LIMS1: variants seen among roughly 807,000 people sequenced by gnomAD.
The protein encoded by LIMS1 is LIM zinc finger domain containing 1.
LIMS1 carries 18 observed loss-of-function variants against 44.1 expected under a neutral mutation model. The ratio of observed to expected loss-of-function variants is 0.41; its 90% CI spans 0.28 to 0.61. The LOEUF (loss-of-function observed/expected upper bound fraction) is 0.61. Ranked by LOEUF, LIMS1 falls within the 20% of genes least tolerant of loss-of-function variation. LIMS1 has a pLI of 0.32. For missense variants in LIMS1, 201 were observed against 422.0 expected (o/e 0.48, Z 4.59); for synonymous variants, 93 against 149.1 (o/e 0.62, Z 2.74).
intron 1 of LIMS1, among the ~76,000 whole-genome samples, chr2:108,619,700 CAAAACA>C (rs1688134267): frequency 6.6e-6 from 1 of 151,968 alleles, no homozygotes; most frequent in Non-Finnish European, 1.5e-5. Flanking sequence ...CAAAACAAAA[CAAAACA>C]AAAAGAATTG....
chr2:108,630,192 C>CAAAAAAAAA (rs59941456), intron 1 of LIMS1, among the ~76,000 whole-genome samples: 5 of 103,952 alleles, frequency 4.8e-5, no homozygotes, highest in African/African-American at 8.1e-5. Context: ...GACCCTGTCT[C>CAAAAAAAAA]AAAAAAAAAA....
At chr2:108,566,422 A>G (rs775274635) in intron 1 of LIMS1, among the ~76,000 whole-genome samples, 3 of 152,134 alleles carry the variant, frequency 2.0e-5, no homozygotes, top group Non-Finnish European at 4.4e-5. Flanking sequence ...TATTATTTAT[A>G]CCCTCATTTA....
intron 1 of LIMS1, among the ~76,000 whole-genome samples, chr2:108,627,443 G>A (rs1688645132): frequency 7.0e-6 from 1 of 143,338 alleles, no homozygotes; most frequent in Admixed American, 7.3e-5. Flanking sequence ...GAGACATTTA[G>A]GAACGAACCG....
chr2:108,553,172 C>T (rs1163193132), intron 1 of LIMS1, among the ~76,000 whole-genome samples: 1 of 152,212 alleles, frequency 6.6e-6, no homozygotes, highest in Non-Finnish European at 1.5e-5. Flanking sequence ...TCCATGCTCT[C>T]TCCTGGACAC....
chr2:108,636,489 G>A (rs1689259508), intron 1 of LIMS1, among the ~76,000 whole-genome samples: 1 of 152,182 alleles, frequency 6.6e-6, no homozygotes, highest in Admixed American at 6.5e-5. Context: ...GGACTGGGAA[G>A]CAAACCTCTT....
intron 1 of LIMS1, among the ~76,000 whole-genome samples, chr2:108,626,829 T>C (rs1456303399): frequency 6.6e-6 from 1 of 152,204 alleles, no homozygotes; most frequent in African/African-American, 2.4e-5. Flanking sequence ...TCTCTTTCAG[T>C]AGTTTTGGAA....
chr2:108,627,979 A>G (rs1219776245), intron 1 of LIMS1, among the ~76,000 whole-genome samples: 1 of 152,242 alleles, frequency 6.6e-6, no homozygotes, highest in Non-Finnish European at 1.5e-5. Context: ...ATTTCTGGAC[A>G]CCAGAAGTCA....
At chr2:108,661,100 C>T (rs890077171) in intron 2 of LIMS1, among the ~76,000 whole-genome samples, 4 of 136,502 alleles carry the variant, frequency 2.9e-5, no homozygotes, top group African/African-American at 1.1e-4. Flanking sequence ...GAGTGGGGTT[C>T]CCAGGCCAGC....
chr2:108,546,530 A>G (rs549247284), intron 1 of LIMS1, among the ~76,000 whole-genome samples: 100 of 152,134 alleles, frequency 6.6e-4, no homozygotes, highest in Non-Finnish European at 1.3e-3. Flanking sequence ...TTGGAAGTCC[A>G]CTGGAATGGT....
chr2:108,677,236 T>C (rs532622494), intron 7 of LIMS1: 2 of 152,940 alleles, frequency 1.3e-5, no homozygotes, highest in African/African-American at 4.8e-5. Flanking sequence ...TTTAAAATTT[T>C]TGATGACATT....
chr2:108,621,340 T>A, intron 1 of LIMS1: 1 of 1,549,976 alleles, frequency 6.5e-7, no homozygotes, highest in East Asian at 2.4e-5. Context: ...CAGCAATTGA[T>A]GTGTGGAGAG....
intron 1 of LIMS1, among the ~76,000 whole-genome samples, chr2:108,553,701 G>A (rs1573317324): frequency 1.3e-5 from 2 of 152,280 alleles, no homozygotes; most frequent in Non-Finnish European, 2.9e-5. Flanking sequence ...AGACCCAGAC[G>A]AGCCTTCCCA....
chr2:108,562,189 C>T (rs1246200442), intron 1 of LIMS1, among the ~76,000 whole-genome samples: 2 of 152,218 alleles, frequency 1.3e-5, no homozygotes, highest in African/African-American at 4.8e-5. Context: ...CTCACCCTCT[C>T]CTTGGGCCTC....
chr2:108,549,333 C>T (rs568023833), intron 1 of LIMS1, among the ~76,000 whole-genome samples: 6 of 113,778 alleles, frequency 5.3e-5, no homozygotes, highest in Non-Finnish European at 6.6e-5. Context: ...GTCGCTCTGT[C>T]GCCCAGGCTG....
At chr2:108,585,557 G>A (rs75365793) in intron 1 of LIMS1, among the ~76,000 whole-genome samples, 3 of 152,102 alleles carry the variant, frequency 2.0e-5, no homozygotes, top group Non-Finnish European at 4.4e-5. Context: ...CACTAACAGG[G>A]AGGAAGTAGT....
At chr2:108,645,665 G>A (rs924349395) in intron 1 of LIMS1, among the ~76,000 whole-genome samples, 3 of 152,014 alleles carry the variant, frequency 2.0e-5, no homozygotes, top group Non-Finnish European at 2.9e-5. Context: ...AATGTAAACG[G>A]GCTAAATGCC....
intron 2 of LIMS1, among the ~76,000 whole-genome samples, chr2:108,665,763 A>G (rs1475369728): frequency 6.6e-6 from 1 of 151,932 alleles, no homozygotes; most frequent in Admixed American, 6.6e-5. Context: ...TGATCTCATT[A>G]TCTGCCCACC....
At chr2:108,593,489 T>C (rs567850413) in intron 1 of LIMS1, among the ~76,000 whole-genome samples, 1 of 152,372 alleles carries the variant, frequency 6.6e-6, no homozygotes, top group South Asian at 2.1e-4. Context: ...GGAGTTGCTG[T>C]CTTTGTGAAA....
rs1274750139 is a variant in LIMS1, at chr2:108,629,143, A to C, written c.33-30462A>C. Among the ~76,000 whole-genome samples the C allele has an allele frequency of 2.6e-5, 4 of 152,340 alleles. No individual in the cohort carries two copies. In the East Asian group the frequency reaches 7.7e-4, roughly 29 times the overall value. On this transcript the variant is annotated intron_variant, in intron 1 of 9. Transcript: ENST00000544547. ...AGGAAATGGTACATTTTATTGTCAG[A>C]ATTCTAATTGATCGGGGTAATGAGA...
Sources: gnomAD v4.1 joint callset for allele counts (sites outside exome capture counted in the v4.1 genomes callset) on GRCh38, gnomAD v4.1.1 for gene constraint, MANE v1.5 for transcripts, NCBI Gene and HGNC (gene_info 2026-07-23, HGNC 2026-07-21) for gene names.